OSBPL5: variants seen among roughly 807,000 people sequenced by gnomAD.
The protein encoded by OSBPL5 is oxysterol-binding protein-related protein 5.
OSBPL5 carries 71 observed loss-of-function variants against 111.2 expected under a neutral mutation model. That is an observed-to-expected ratio of 0.64 (90% CI 0.53 to 0.78). The LOEUF (loss-of-function observed/expected upper bound fraction) is 0.78, where lower values mean the gene tolerates loss of function less well. Among genes scored for constraint, OSBPL5 ranks in the 30% least tolerant of loss-of-function variants. The probability of loss-of-function intolerance (pLI) is 0.00; values close to 1 mark genes in which losing one functional copy is unlikely to be tolerated. For missense variants in OSBPL5, 1,210 were observed against 1,189.3 expected (o/e 1.02, Z -0.26); for synonymous variants, 549 against 513.9 (o/e 1.07, Z -0.93).
At chr11:3,097,885 G>A (rs981101956) in intron 14 of OSBPL5, among the ~76,000 whole-genome samples, 3 of 152,094 alleles carry the variant, frequency 2.0e-5, no homozygotes, top group Non-Finnish European at 4.4e-5. Flanking sequence ...TGGCCAACAC[G>A]GTGAAACCCC....
chr11:3,116,854 C>CAA (rs371907970), intron 7 of OSBPL5, among the ~76,000 whole-genome samples: 1,562 of 75,448 alleles, frequency 0.021, 67 homozygotes, highest in African/African-American at 0.066. Flanking sequence ...GACTCCATCA[C>CAA]AAAAAAAAAA....
At position 3,093,629 on chromosome 11, in the gene OSBPL5, C is replaced by T. The variant is rs1444554435; in HGVS notation, c.1844G>A (p.Gly615Glu). 1.9e-6 allele frequency: 3 copies of T among 1,613,152 alleles called. No homozygotes were observed. The East Asian group carries it at 6.7e-5, about 36-fold the overall frequency. Residue 615 changes from glycine (G) to glutamate (E), a missense_variant, in exon 17 of 22, where the codon GGA (glycine) becomes GAA (glutamate). By Grantham distance (98) the Gly-to-Glu change is moderately conservative. Coordinates refer to ENST00000263650, the MANE Select transcript of OSBPL5 (RefSeq NM_020896.4). ...CGGGGTCCAGAAAAGCGCACTGCTT[C>T]CGCTCCCTTCCTCCTTGATAAACAC... ...RDVFIKEEGS[G>E]SSALFWTPSG...
At position 3,161,883 on chromosome 11, in the gene OSBPL5, G is replaced by A. The variant is rs890230400; in HGVS notation, c.-22+3333C>T. On this transcript the variant is annotated intron_variant, in intron 1 of 21. Coordinates refer to ENST00000263650, the MANE Select transcript of OSBPL5 (RefSeq NM_020896.4). This position sits in a 1 kb window ranked among gnomAD's most constrained non-coding sequence, Gnocchi z 8.0. ...GGAGCCCACCAAATGCAGATCCAAG[G>A]AGGGGCCGAAAGCAGAGGCACAGGC... Among the ~76,000 whole-genome samples, 3 of 152,126 alleles carry A rather than the reference G, an allele frequency of 2.0e-5. No individual in the cohort carries two copies. The East Asian group carries it at 5.8e-4, about 29-fold the overall frequency.
intron 1 of OSBPL5, among the ~76,000 whole-genome samples, chr11:3,158,506 G>T (rs959529881): frequency 3.1e-4 from 47 of 152,230 alleles, no homozygotes; most frequent in African/African-American, 1.1e-3. Flanking sequence ...TGGGAAAGTG[G>T]GGCGTCCTCG....
At chr11:3,133,619 C>G (rs529337317) in intron 1 of OSBPL5, among the ~76,000 whole-genome samples, 13 of 152,356 alleles carry the variant, frequency 8.5e-5, no homozygotes, top group African/African-American at 3.1e-4. Flanking sequence ...CCCCCAATGA[C>G]TCTCTGCTCA....
chr11:3,163,444 G>C (rs991909354), intron 1 of OSBPL5, among the ~76,000 whole-genome samples: 1 of 144,290 alleles, frequency 6.9e-6, no homozygotes. Flanking sequence ...TACTATCAGC[G>C]CTCAGAGTGA....
chr11:3,102,959 C>A (rs1336055941), intron 11 of OSBPL5, among the ~76,000 whole-genome samples: 6 of 152,120 alleles, frequency 3.9e-5, no homozygotes, highest in Non-Finnish European at 5.9e-5. Context: ...CGGCCTGAGG[C>A]TGTTTTCTTG....
intron 7 of OSBPL5, among the ~76,000 whole-genome samples, chr11:3,112,473 CTT>C (rs556463241): frequency 1.2e-3 from 57 of 48,652 alleles, no homozygotes; most frequent in Non-Finnish European, 2.3e-3. Flanking sequence ...TTTGTGTTTT[CTT>C]TTCTTTTTTT....
At chr11:3,134,563 C>G (rs990020795) in intron 1 of OSBPL5, among the ~76,000 whole-genome samples, 1 of 152,236 alleles carries the variant, frequency 6.6e-6, no homozygotes, top group Non-Finnish European at 1.5e-5. Context: ...GGGTGCCCTG[C>G]CCAGCCGCTC....
rs1377293254 is a variant in OSBPL5 at position 3,143,211 on chromosome 11, G to C, written c.-21-14042C>G. Among the ~76,000 whole-genome samples the C allele has an allele frequency of 6.9e-5, 8 of 116,782 alleles. No homozygotes were observed. In the East Asian group the frequency reaches 2.5e-3, roughly 37 times the overall value. The allele number at this position is 116,782 out of a possible 152,430, so 76.6% of individuals were successfully genotyped here. A position where few individuals can be genotyped will look rare whatever the true frequency, so the allele number is the denominator to read the frequency against. ...CGGGCAGAGGAGGCAGGTGCAGAGG[G>C]GGGCAGAGGAGGCAGGTGCGGGGGG... On this transcript the variant is annotated intron_variant, in intron 1 of 21. Transcript: ENST00000263650.
intron 13 of OSBPL5, 64 bp downstream of exon 13, chr11:3,101,539 C>T (rs142720999): frequency 3.0e-5 from 44 of 1,465,280 alleles, no homozygotes; most frequent in South Asian, 4.6e-5. Flanking sequence ...CACTGGCTCC[C>T]GGAGTCCTCC....
intron 1 of OSBPL5, among the ~76,000 whole-genome samples, chr11:3,158,499 G>C (rs1348717201): frequency 1.3e-5 from 2 of 152,238 alleles, no homozygotes; most frequent in Non-Finnish European, 2.9e-5. Flanking sequence ...AGATTTGTGG[G>C]AAAGTGGGGC....
At chr11:3,120,738 T>G in intron 5 of OSBPL5, 114 bp from the exon 6 acceptor site, 4 of 1,078,836 alleles carry the variant, frequency 3.7e-6, no homozygotes, top group South Asian at 1.5e-5. Flanking sequence ...CGAGGGGCCC[T>G]TCCCCTCCCT....
intron 10 of OSBPL5, 111 bp from the exon 11 acceptor site, chr11:3,103,431 C>G (rs1857526222): frequency 1.0e-5 from 10 of 978,844 alleles, no homozygotes; most frequent in Non-Finnish European, 6.1e-6. Context: ...CAGCTGGAAA[C>G]AGGCCACTTG....
chr11:3,132,555 C>T (rs905377507), intron 1 of OSBPL5, among the ~76,000 whole-genome samples: 6 of 152,142 alleles, frequency 3.9e-5, no homozygotes, highest in Admixed American at 6.5e-5. Flanking sequence ...CAAGCCCTCC[C>T]GCCACCCCAT....
rs373521539 is a variant in OSBPL5, at chr11:3,122,105, C to T, written c.301-7G>A. 94 of 1,556,512 alleles carry T rather than the reference C, an allele frequency of 6.0e-5. No individual in the cohort carries two copies. In the African/African-American group the frequency reaches 1.2e-3, roughly 21 times the overall value. ...GGTAGTTCTCCTTCTGCGCCTGGGC[C>T]CGGGGCACCCGCGGTGGGTCATGGG... On this transcript the variant is annotated splice_polypyrimidine_tract_variant and splice_region_variant and intron_variant, in intron 4 of 21. Coordinates refer to ENST00000263650, the MANE Select transcript of OSBPL5 (RefSeq NM_020896.4).
chr11:3,097,084 A>AGGAAAGAGGGGGAAGATGGGAGGGGGAGG, intron 14 of OSBPL5, among the ~76,000 whole-genome samples: 2 of 11,358 alleles, frequency 1.8e-4, no homozygotes, highest in East Asian at 3.1e-3. Flanking sequence ...GAAGGAGGAG[A>AGGAAAGAGGGGGAAGATGGGAGGGGGAGG]AGAGGAAAGA....
chr11:3,154,657 T>C lies in OSBPL5; in HGVS notation c.-22+10559A>G, dbSNP rs868704760. Among the ~76,000 whole-genome samples, 33 of 152,212 alleles carry C rather than the reference T, an allele frequency of 2.2e-4. No homozygotes were observed. The highest frequency in any genetic ancestry group is 6.8e-3 in the Middle Eastern group (2 of 294). On this transcript the variant is annotated intron_variant, in intron 1 of 21. Transcript: ENST00000263650. The surrounding 1 kb of genome is among the most constrained non-coding windows in gnomAD (Gnocchi z 4.9). ...AACCCACTGACGAGACGCCTGGCAG[T>C]GCGGGGGCCCCAGGGTTAGTCTGAC...
rs1188444395 is a variant in OSBPL5, at chr11:3,154,983, C to T, written c.-22+10233G>A. Among the ~76,000 whole-genome samples the T allele has an allele frequency of 6.6e-6, 1 of 152,170 alleles. No homozygotes were observed. Among genetic ancestry groups the T allele is most frequent in the Non-Finnish European group, 1.5e-5 (1 of 68,036 alleles). ...TCATTAGGGTGGGCCCTAGTCCAAT[C>T]TCACTGGTGTCCTTATAAAAAGAGG... On this transcript the variant is annotated intron_variant, in intron 1 of 21. Transcript: ENST00000263650. The surrounding 1 kb of genome is among the most constrained non-coding windows in gnomAD (Gnocchi z 4.9).
Sources: allele counts gnomAD v4.1 joint callset (sites outside exome capture counted in the v4.1 genomes callset), GRCh38; gene constraint gnomAD v4.1.1; non-coding constraint Gnocchi (gnomAD v3.1); transcripts MANE v1.5; gene names NCBI Gene and HGNC (gene_info 2026-07-23, HGNC 2026-07-21).